NPM3: variants seen among roughly 807,000 people sequenced by gnomAD.
The protein encoded by NPM3 is nucleophosmin/nucleoplasmin 3, also known as nucleoplasmin-3.
NPM3 carries 12 observed loss-of-function variants against 18.1 expected under a neutral mutation model. The ratio of observed to expected loss-of-function variants is 0.66; its 90% CI spans 0.42 to 1.07. The LOEUF (loss-of-function observed/expected upper bound fraction) is 1.07. Ranked by LOEUF, NPM3 falls within the 50% of genes least tolerant of loss-of-function variation. The pLI is 0.00. For missense variants in NPM3, 274 were observed against 232.1 expected (o/e 1.18, Z -1.17); for synonymous variants, 116 against 93.7 (o/e 1.24, Z -1.38).
chr10:101,782,301 C>G, exon 4 of NPM3: 1 of 1,614,082 alleles, frequency 6.2e-7, no homozygotes, highest in Non-Finnish European at 8.5e-7. Flanking sequence ...CAGAGCCCGA[C>G]TTCAGGCGGA....
At chr10:101,782,180 G>T in intron 4 of NPM3, 78 bp downstream of exon 4, 1 of 1,277,888 alleles carries the variant, frequency 7.8e-7, no homozygotes, top group Non-Finnish European at 1.1e-6. Context: ...GGGTGGGATG[G>T]GGCAGGAGTG....
chr10:101,782,475 C>T lies in NPM3; in HGVS notation c.324+3G>A, dbSNP rs1229271929. On this transcript the variant is annotated splice_donor_region_variant and intron_variant, in intron 3 of 5. Transcript: ENST00000370110. Reference sequence around the variant, plus strand: ...ACCACCAAGGCAGAGCTGGGGAACTCACCATGGGTTGGCAGGACAGCTTGA... The same window carrying T: ...ACCACCAAGGCAGAGCTGGGGAACTTACCATGGGTTGGCAGGACAGCTTGA... The T allele has an allele frequency of 6.2e-7, 1 of 1,610,396 alleles. No homozygotes were observed. Among genetic ancestry groups the T allele is most frequent in the East Asian group, 2.2e-5 (1 of 44,708 alleles).
chr10:101,781,859 TG>T lies in NPM3; in HGVS notation c.419-6del. The T allele has an allele frequency of 6.2e-7, 1 of 1,613,946 alleles. No homozygotes were observed. The highest frequency in any genetic ancestry group is 2.2e-5 in the East Asian group (1 of 44,878). On this transcript the variant is annotated splice_region_variant and splice_polypyrimidine_tract_variant and intron_variant, in intron 4 of 5. Transcript: ENST00000370110. ...AAACATCATTGCTCATCGTAACTGG[TG>T]GACACACAAGCAGTAGAAGGATGGG...
At chr10:101,782,781 G>A in intron 2 of NPM3, 58 bp downstream of exon 2, 4 of 1,593,510 alleles carry the variant, frequency 2.5e-6, no homozygotes, top group Non-Finnish European at 3.4e-6. Context: ...AGGTTGGGTA[G>A]AGACCTATAT....
intron 4 of NPM3, 138 bp downstream of exon 4, chr10:101,782,120 G>A: frequency 1.1e-6 from 1 of 898,432 alleles, no homozygotes. Flanking sequence ...CATGCACAGG[G>A]CACAGCGTGG....
At chr10:101,781,603 G>A (rs1238272343) in exon 6 of NPM3, 6 of 913,164 alleles carry the variant, frequency 6.6e-6, no homozygotes, top group Non-Finnish European at 1.0e-5. Flanking sequence ...GGAACAGGGT[G>A]CATGGCGGTG....
At chr10:101,782,763 G>A in intron 2 of NPM3, 76 bp downstream of exon 2, 2 of 1,576,862 alleles carry the variant, frequency 1.3e-6, no homozygotes, top group East Asian at 4.5e-5. Flanking sequence ...CAAGTAAAGG[G>A]GATCCGGAGG....
chr10:101,783,386 G>A (rs1344243632), exon 1 of NPM3: 2 of 1,606,112 alleles, frequency 1.2e-6, no homozygotes, highest in Non-Finnish European at 1.7e-6. Context: ...AGTACCGGCG[G>A]CCATGCTGTA....
rs774216111 is a variant in NPM3 at position 101,782,743 on chromosome 10, G to T, written c.204+96C>A. ...GCCCATGCCGGGGGGTTAGGCTGAGGATGTGTCTCCAAGTAAAGGGGATCC... is the reference window on the plus strand; with the variant it reads ...GCCCATGCCGGGGGGTTAGGCTGAGTATGTGTCTCCAAGTAAAGGGGATCC... On this transcript the variant is annotated intron_variant, in intron 2 of 5. Transcript: ENST00000370110. 4.3e-5 allele frequency: 68 copies of T among 1,569,520 alleles called. 2 individuals carry two copies. In the South Asian group the frequency reaches 7.5e-4, roughly 17 times the overall value.
At chr10:101,782,108 G>A in intron 4 of NPM3, 150 bp downstream of exon 4, 2 of 865,630 alleles carry the variant, frequency 2.3e-6, no homozygotes, top group Non-Finnish European at 3.6e-6. Context: ...GAGAGGGCAT[G>A]TCATGCACAG....
Position 101,782,770 on chromosome 10 carries a change from G to A in NPM3, c.204+69C>T, listed in dbSNP as rs1276072520. On this transcript the variant is annotated intron_variant, in intron 2 of 5. Transcript: ENST00000370110. ...TGTGTCTCCAAGTAAAGGGGATCCG[G>A]AGGTTGGGTAGAGACCTATATTGCC... 2.1e-5 allele frequency: 33 copies of A among 1,583,958 alleles called. No individual in the cohort carries two copies. In the Admixed American group the frequency reaches 2.9e-4, roughly 14 times the overall value.
exon 5 of NPM3, chr10:101,781,785 A>G (rs1273724029): frequency 6.2e-7 from 1 of 1,614,122 alleles, no homozygotes; most frequent in East Asian, 2.2e-5. Context: ...GCACAGCTCA[A>G]CTTCTTCCTC....
rs368953964 is a variant in NPM3, at chr10:101,782,607, G to C, written c.205-10C>G. On this transcript the variant is annotated splice_polypyrimidine_tract_variant and intron_variant, in intron 2 of 5. Transcript: ENST00000370110. ...CCTCGGTGAGGCAGAGCTGGGAACG[G>C]TACACAGGGCCTCAGGGTCTCCTCA... is the stretch of plus-strand genomic sequence containing the variant. 2.5e-6 allele frequency: 4 copies of C among 1,613,334 alleles called. No homozygotes were observed. Among genetic ancestry groups the C allele is most frequent in the Non-Finnish European group, 3.4e-6 (4 of 1,179,986 alleles).
chr10:101,783,432 A>G, upstream of NPM3: 3 of 1,457,140 alleles, frequency 2.1e-6, no homozygotes, highest in Middle Eastern at 2.2e-4. Context: ...GACACGCACA[A>G]AGCCGGGGAC....
chr10:101,782,186 G>C, intron 4 of NPM3, 72 bp downstream of exon 4: 1 of 1,322,560 alleles, frequency 7.6e-7, no homozygotes, highest in Non-Finnish European at 1.1e-6. Flanking sequence ...GATGGGGCAG[G>C]AGTGCGGAGT....
intron 1 of NPM3, 114 bp from the exon 2 acceptor site, chr10:101,783,038 A>C (rs1589818005): frequency 1.1e-6 from 1 of 929,250 alleles, no homozygotes; most frequent in Non-Finnish European, 1.7e-6. Flanking sequence ...TTACACGTCC[A>C]CCTCCGTCTC....
exon 1 of NPM3, chr10:101,783,302 G>A (rs2065157842): frequency 6.2e-7 from 1 of 1,611,828 alleles, no homozygotes; most frequent in Non-Finnish European, 8.5e-7. Flanking sequence ...AGTGACCGGG[G>A]CCGGGACCCG....
chr10:101,781,721 A>C lies in NPM3; in HGVS notation c.*9+6T>G, dbSNP rs374727544. On this transcript the variant is annotated splice_donor_region_variant and intron_variant, in intron 5 of 5. Coordinates refer to ENST00000370110, the Ensembl canonical transcript of NPM3. Reference sequence around the variant, plus strand: ...AGCCTGCTAGGCACTTCTCCCCGCAACTCACCTAGGAGGGCTAGGGCCTGC... The same window carrying C: ...AGCCTGCTAGGCACTTCTCCCCGCACCTCACCTAGGAGGGCTAGGGCCTGC... 6.2e-7 allele frequency: 1 copy of C among 1,612,594 alleles called. No homozygotes were observed. Among genetic ancestry groups the C allele is most frequent in the Middle Eastern group, 1.7e-4 (1 of 6,012 alleles).
intron 3 of NPM3, 36 bp downstream of exon 3, chr10:101,782,442 C>A (rs888879096): frequency 3.1e-6 from 5 of 1,602,130 alleles, no homozygotes; most frequent in African/African-American, 2.7e-5. Flanking sequence ...CTCACCACCA[C>A]CACCACCACC....
Sources: gnomAD v4.1 joint callset for allele counts on GRCh38, gnomAD v4.1.1 for gene constraint, MANE v1.5 for transcripts, NCBI Gene and HGNC (gene_info 2026-07-23, HGNC 2026-07-21) for gene names.